VIL1: variants seen among roughly 807,000 people sequenced by gnomAD.
The protein encoded by VIL1 is villin 1.
A neutral mutation model predicts 104.0 loss-of-function variants in VIL1; 86 were observed. That is an observed-to-expected ratio of 0.83 (90% CI 0.69 to 0.99). The LOEUF (loss-of-function observed/expected upper bound fraction) is 0.99. Ranked by LOEUF, VIL1 falls within the 50% of genes least tolerant of loss-of-function variation. VIL1 has a pLI of 0.00. For missense variants in VIL1, 944 were observed against 1,054.1 expected (o/e 0.90, Z 1.45); for synonymous variants, 394 against 412.6 (o/e 0.95, Z 0.55).
At chr2:218,434,434 C>T in intron 13 of VIL1, 92 bp from the exon 14 acceptor site, 2 of 1,353,928 alleles carry the variant, frequency 1.5e-6, no homozygotes, top group Non-Finnish European at 2.0e-6. Flanking sequence ...GGGCAAACCT[C>T]CCCGCCCTAC....
In VIL1 at chr2:218,430,747, AC is replaced by A; in HGVS notation, c.974del (p.Pro325HisfsTer34). On this transcript the variant is annotated frameshift_variant, in exon 10 of 20. Transcript: ENST00000248444. LOFTEE classifies it high-confidence loss of function. Reference protein sequence around the residue: ...HALNFIKAKQYPPSTQVEVQN... With the variant: ...HALNFIKAKQXPPSTQVEVQN... ...CAGAACTTCATCAAAGCCAAGCAGTACCCACCAAGCACACAGGTGGAGGTGC... is the reference window on the plus strand; with the variant it reads ...CAGAACTTCATCAAAGCCAAGCAGTACCACCAAGCACACAGGTGGAGGTGC... 6.2e-7 allele frequency: 1 copy of A among 1,606,876 alleles called. No homozygotes were observed. Among genetic ancestry groups the A allele is most frequent in the Non-Finnish European group, 8.5e-7 (1 of 1,176,068 alleles).
In VIL1 at chr2:218,428,056, A is replaced by G; in HGVS notation, c.439A>G (p.Asn147Asp). Residue 147 changes from asparagine (N) to aspartate (D), a missense_variant, in exon 5 of 20, where the codon AAC becomes GAC. Asn to Asp is a conservative substitution (Grantham distance 23). Coordinates refer to ENST00000248444, the MANE Select transcript of VIL1 (RefSeq NM_007127.3). Reference sequence around the variant, plus strand: ...GCTGCTGCATGTCAAGGGCAAGAGGAACGTGGTAGCTGGAGAGGTAGGCAG... The same window carrying G: ...GCTGCTGCATGTCAAGGGCAAGAGGGACGTGGTAGCTGGAGAGGTAGGCAG... The part of the protein sequence containing the change: ...QRLLHVKGKR[N>D]VVAGEVEMSW... The G allele has an allele frequency of 1.2e-6, 2 of 1,614,134 alleles. No individual in the cohort carries two copies. The highest frequency in any genetic ancestry group is 1.7e-6 in the Non-Finnish European group (2 of 1,180,012).
chr2:218,422,438 A>T (rs941898949), intron 1 of VIL1, among the ~76,000 whole-genome samples: 2 of 152,136 alleles, frequency 1.3e-5, no homozygotes, highest in African/African-American at 4.8e-5. Context: ...TGGTTGCCTG[A>T]TGGAGAAGGC....
At chr2:218,424,173 G>T in intron 2 of VIL1, 104 bp from the exon 3 acceptor site, 1 of 974,996 alleles carries the variant, frequency 1.0e-6, no homozygotes, top group Non-Finnish European at 1.6e-6. Flanking sequence ...TCATTCCTGG[G>T]CCCGGCTCTT....
At chr2:218,441,698 C>T (rs1415786912) in intron 19 of VIL1, among the ~76,000 whole-genome samples, 1 of 151,910 alleles carries the variant, frequency 6.6e-6, no homozygotes, top group Non-Finnish European at 1.5e-5. Context: ...GAGTGACAGA[C>T]TTACATTGGC....
chr2:218,420,247 T>C (rs1465690279), intron 1 of VIL1, among the ~76,000 whole-genome samples: 1 of 151,954 alleles, frequency 6.6e-6, no homozygotes, highest in Non-Finnish European at 1.5e-5. Context: ...CTGACCAACA[T>C]AGTGAAACCC....
At chr2:218,444,153 T>C (rs1559150991) in intron 19 of VIL1, among the ~76,000 whole-genome samples, 1 of 148,716 alleles carries the variant, frequency 6.7e-6, no homozygotes, top group African/African-American at 2.5e-5. Flanking sequence ...TATTTTTAGT[T>C]GAGACAGGGT....
intron 1 of VIL1, among the ~76,000 whole-genome samples, chr2:218,419,762 C>T (rs765488313): frequency 6.6e-6 from 1 of 152,186 alleles, no homozygotes; most frequent in Non-Finnish European, 1.5e-5. Context: ...CCCTAGCATG[C>T]ACCTCTGCCC....
chr2:218,438,782 GT>G, intron 18 of VIL1, 56 bp downstream of exon 18: 1 of 1,507,864 alleles, frequency 6.6e-7, no homozygotes, highest in African/African-American at 1.4e-5. Context: ...GGTCAGACCT[GT>G]GGGAGCCAAG....
Position 218,429,302 on chromosome 2 carries a change from G to C in VIL1, c.585G>C (p.Lys195Asn). 6.8e-6 allele frequency: 11 copies of C among 1,613,504 alleles called. No homozygotes were observed. Among genetic ancestry groups the C allele is most frequent in the Non-Finnish European group, 8.5e-6 (10 of 1,179,682 alleles). ...MERLRGMTLA[K>N]EIRDQERGGR... Reference sequence around the variant, plus strand: ...TCCTGCAGGGCATGACTCTGGCCAAGGAGATCCGAGACCAGGAGCGGGGAG... The same window carrying C: ...TCCTGCAGGGCATGACTCTGGCCAACGAGATCCGAGACCAGGAGCGGGGAG... The change falls in exon 7 of 20, where the codon AAG (lysine) becomes AAC (asparagine). Residue 195 changes from lysine to asparagine, a missense_variant. Physicochemically the swap from Lys to Asn is moderately conservative, Grantham distance 94 (BLOSUM62 0). Transcript: ENST00000248444.
intron 12 of VIL1, chr2:218,432,452 C>T (rs1323121987): frequency 2.1e-5 from 15 of 699,780 alleles, no homozygotes; most frequent in East Asian, 8.5e-5. Flanking sequence ...TGTCTAGATG[C>T]GAGGGAGCAG....
intron 10 of VIL1, chr2:218,431,165 T>C: frequency 1.9e-6 from 1 of 528,194 alleles, no homozygotes; most frequent in South Asian, 2.9e-5. Flanking sequence ...CCTAACATGG[T>C]GAAACCCCGT....
Position 218,432,168 on chromosome 2 carries a change from G to C in VIL1, c.1326G>C (p.Leu442=). ...TYLIGEKQHY[L]LYVWQGSQAS... ...TCATCGGCGAGAAGCAGCATTACCT[G>C]CTCTACGTTTGGCAGGTCAGGTCCC... Residue 442 remains leucine (L), a synonymous_variant, in exon 12 of 20, where the codon CTG becomes CTC. Transcript: ENST00000248444. 6.2e-7 allele frequency: 1 copy of C among 1,613,386 alleles called. No individual in the cohort carries two copies. Among genetic ancestry groups the C allele is most frequent in the Non-Finnish European group, 8.5e-7 (1 of 1,179,866 alleles).
rs1689455686 is a variant in VIL1, at chr2:218,450,708, T to C, written c.*1372T>C. Reference sequence around the variant, plus strand: ...CAGTTTAGTTGACTGTTCTTCTTTGTTCTGGCATCTGACTGGACCAACCTG... The same window carrying C: ...CAGTTTAGTTGACTGTTCTTCTTTGCTCTGGCATCTGACTGGACCAACCTG... On this transcript the variant is annotated 3_prime_UTR_variant, in exon 20 of 20. Coordinates refer to ENST00000248444, the MANE Select transcript of VIL1 (RefSeq NM_007127.3). The C allele has an allele frequency of 6.6e-6, 1 of 152,252 alleles. No homozygotes were observed. The highest frequency in any genetic ancestry group is 2.4e-5 in the African/African-American group (1 of 41,452). The allele number at this position is 152,252 out of a possible 1,614,324, so 9.4% of individuals were successfully genotyped here.
Position 218,432,857 on chromosome 2 carries a change from A to G in VIL1, c.1406A>G (p.Lys469Arg). The G allele has an allele frequency of 4.3e-6, 7 of 1,614,252 alleles. No individual in the cohort carries two copies. Among genetic ancestry groups the G allele is most frequent in the Non-Finnish European group, 5.9e-6 (7 of 1,180,052 alleles). The change falls in exon 13 of 20, where the codon AAG becomes AGG. Residue 469 changes from lysine (K) to arginine (R), a missense_variant. Transcript: ENST00000248444. The stretch of plus-strand genomic sequence containing the variant: ...TATCAAGCCGTCATCCTGGACCAGA[A>G]GTACAATGGTGAACCAGTCCAGATC... ...SAYQAVILDQ[K>R]YNGEPVQIRV... is the part of the protein sequence containing the mutation.
chr2:218,437,872 C>A (rs933406856), intron 17 of VIL1, among the ~76,000 whole-genome samples: 4 of 152,132 alleles, frequency 2.6e-5, no homozygotes, highest in Admixed American at 2.0e-4. Flanking sequence ...AAGCAAGGGG[C>A]AGATACCCAC....
At chr2:218,430,974 A>G (rs1689086184) in intron 10 of VIL1, 96 bp downstream of exon 10, 1 of 1,475,436 alleles carries the variant, frequency 6.8e-7, no homozygotes, top group Non-Finnish European at 9.2e-7. Flanking sequence ...CCTGACGTGC[A>G]TCTTCAACGA....
chr2:218,420,954 T>C (rs1688892775), intron 1 of VIL1, among the ~76,000 whole-genome samples: 1 of 152,150 alleles, frequency 6.6e-6, no homozygotes, highest in Non-Finnish European at 1.5e-5. Flanking sequence ...TATCTAGGTC[T>C]TGGAGCTCAG....
At chr2:218,447,532 C>T (rs1689385611) in intron 19 of VIL1, among the ~76,000 whole-genome samples, 1 of 152,026 alleles carries the variant, frequency 6.6e-6, no homozygotes, top group Non-Finnish European at 1.5e-5. Context: ...GTTGCCCAGG[C>T]TGGTCTTGAA....
Sources: gnomAD v4.1 joint callset for allele counts (sites outside exome capture counted in the v4.1 genomes callset) on GRCh38, gnomAD v4.1.1 for gene constraint, MANE v1.5 for transcripts, NCBI Gene and HGNC (gene_info 2026-07-23, HGNC 2026-07-21) for gene names.